GIPC1: variants seen among roughly 807,000 people sequenced by gnomAD.
GIPC1 encodes GIPC PDZ domain containing family member 1, also known as PDZ domain-containing protein GIPC1.
Under a neutral mutation model 28.5 loss-of-function variants are expected in GIPC1, and 15 were observed. The ratio of observed to expected loss-of-function variants is 0.53; its 90% CI spans 0.35 to 0.81. The LOEUF (loss-of-function observed/expected upper bound fraction) is 0.81, where lower values mean the gene tolerates loss of function less well. Ranked by LOEUF, GIPC1 falls within the 30% of genes least tolerant of loss-of-function variation. The pLI is 0.01. For missense variants in GIPC1, 439 were observed against 481.9 expected, an observed-to-expected ratio of 0.91 and a Z score of 0.83; for synonymous variants, 224 against 206.1, an observed-to-expected ratio of 1.09 and a Z score of -0.74.
chr19:14,490,734 G>GAGT (rs1345238685), intron 3 of GIPC1, among the ~76,000 whole-genome samples: 1 of 151,998 alleles, frequency 6.6e-6, no homozygotes, highest in East Asian at 1.9e-4. Flanking sequence ...AGCACTTTGG[G>GAGT]AGTCCAAGGC....
At chr19:14,484,206 C>T (rs748820945) in intron 3 of GIPC1, among the ~76,000 whole-genome samples, 7 of 149,406 alleles carry the variant, frequency 4.7e-5, no homozygotes, top group African/African-American at 7.4e-5. Context: ...TCTCAGCTCA[C>T]TCACTGCAAT....
intron 1 of GIPC1, among the ~76,000 whole-genome samples, chr19:14,494,694 A>G (rs1332317991): frequency 6.6e-6 from 1 of 152,058 alleles, no homozygotes; most frequent in African/African-American, 2.4e-5. Context: ...CCTCGTTCTG[A>G]TTGCTCTCTG....
chr19:14,481,592 G>T (rs2071730218), intron 4 of GIPC1, among the ~76,000 whole-genome samples: 1 of 151,846 alleles, frequency 6.6e-6, no homozygotes, highest in African/African-American at 2.4e-5. Context: ...CTGGTGGCGG[G>T]CGCCTGTAAT....
In GIPC1 at chr19:14,478,869, C is replaced by T; in HGVS notation, c.769-104G>A. 3 of 879,208 alleles carry T rather than the reference C, an allele frequency of 3.4e-6. No homozygotes were observed. The highest frequency in any genetic ancestry group is 2.9e-5 in the South Asian group (2 of 70,104). 54.5% of individuals were successfully genotyped at this position (879,208 alleles called of 1,614,324 possible). A position where few individuals can be genotyped will look rare whatever the true frequency, so the allele number is the denominator to read the frequency against. On this transcript the variant is annotated intron_variant, in intron 7 of 8. Transcript: ENST00000393033. The surrounding 1 kb of genome is among the most constrained non-coding windows in gnomAD (Gnocchi z 5.2). ...CACTTTACATATATTCGTATTTAGA[C>T]CTCAGGACAACCCTGAGAAGGTGGT...
In GIPC1 at chr19:14,490,258, G is replaced by T. The variant is rs187911171; in HGVS notation, c.-31+1398C>A. 4.7e-3 allele frequency among the ~76,000 whole-genome samples: 712 copies of T among 151,952 alleles called. 6 individuals are homozygous for T. The highest frequency in any genetic ancestry group is 0.016 in the African/African-American group (646 of 41,406). On this transcript the variant is annotated intron_variant, in intron 3 of 8. Coordinates refer to ENST00000393033, the MANE Select transcript of GIPC1 (RefSeq NM_005716.4). ...GTGGGCACCTGTAATCCCAGCTACT[G>T]GGGAGGCTGAGGCAGGAGAATTGCT...
intron 3 of GIPC1, among the ~76,000 whole-genome samples, chr19:14,487,168 A>G (rs919736483): frequency 3.3e-5 from 5 of 151,474 alleles, no homozygotes; most frequent in African/African-American, 1.2e-4. Flanking sequence ...CTGCCAAGCT[A>G]TATTTCTTGG....
chr19:14,486,411 T>C (rs954982539), intron 3 of GIPC1, among the ~76,000 whole-genome samples: 2 of 152,138 alleles, frequency 1.3e-5, no homozygotes, highest in African/African-American at 4.8e-5. Flanking sequence ...AATGATTATT[T>C]CTGGCAAATA....
At chr19:14,493,344 T>C (rs961220923) in intron 1 of GIPC1, among the ~76,000 whole-genome samples, 5 of 152,156 alleles carry the variant, frequency 3.3e-5, no homozygotes, top group African/African-American at 1.2e-4. Flanking sequence ...AACTGCAATC[T>C]CCTTACTGTG....
At chr19:14,482,510 C>A (rs530833134) in intron 4 of GIPC1, 179 bp downstream of exon 4, 2 of 640,694 alleles carry the variant, frequency 3.1e-6, no homozygotes, top group African/African-American at 1.8e-5. Context: ...GGGGCACAAG[C>A]CTCCCAGTGC....
Position 14,477,842 on chromosome 19 carries a change from C to T in GIPC1, c.*574G>A, listed in dbSNP as rs916733228. On this transcript the variant is annotated 3_prime_UTR_variant, in exon 9 of 9. Transcript: ENST00000393033. ...CGCCATCGTCCCTCCCTCCCTCCTG[C>T]TCTGGGCCAGGGATGGGCCTGGAAG... 3.9e-5 allele frequency: 6 copies of T among 153,534 alleles called. No homozygotes were observed. The highest frequency in any genetic ancestry group is 1.2e-4 in the African/African-American group (5 of 41,448). The allele number at this position is 153,534 out of a possible 1,614,324, so 9.5% of individuals were successfully genotyped here. A position where few individuals can be genotyped will look rare whatever the true frequency, so the allele number is the denominator to read the frequency against.
At chr19:14,483,781 TAATAATAATAATAA>T (rs2071782101) in intron 3 of GIPC1, among the ~76,000 whole-genome samples, 1 of 110,150 alleles carries the variant, frequency 9.1e-6, no homozygotes, top group Non-Finnish European at 1.8e-5. Context: ...ATAATAATAA[TAATAATAATAATAA>T]TAATACCAGC....
In GIPC1 at chr19:14,482,937, G is replaced by A. The variant is rs1244700704; in HGVS notation, c.40C>T (p.Leu14=). Residue 14 remains leucine (L), a synonymous_variant, in exon 4 of 9, where the codon CTA becomes TTA. Transcript: ENST00000393033. ...GGCTCAGCCTCCTCATTTTCCACTAGAGGGGGCGCCTTTTTCCGCCGCCCC... is the reference window on the plus strand; with the variant it reads ...GGCTCAGCCTCCTCATTTTCCACTAAAGGGGGCGCCTTTTTCCGCCGCCCC... ...GLGRRKKAPP[L]VENEEAEPGR... is the part of the protein sequence containing the mutation. 1.2e-6 allele frequency: 2 copies of A among 1,611,594 alleles called. No individual in the cohort carries two copies. Among genetic ancestry groups the A allele is most frequent in the Non-Finnish European group, 1.7e-6 (2 of 1,179,692 alleles).
chr19:14,488,325 C>T (rs1244929486), intron 3 of GIPC1, among the ~76,000 whole-genome samples: 1 of 152,036 alleles, frequency 6.6e-6, no homozygotes, highest in Non-Finnish European at 1.5e-5. Flanking sequence ...GTGGTGCACA[C>T]CTGTGATCCC....
At chr19:14,479,327 G>T in intron 7 of GIPC1, 85 bp downstream of exon 7, 2 of 550,720 alleles carry the variant, frequency 3.6e-6, no homozygotes, top group South Asian at 3.1e-5. Context: ...ACTCCAGCCT[G>T]GGTGACAAGA....
intron 4 of GIPC1, chr19:14,482,400 C>A: frequency 1.9e-6 from 1 of 539,216 alleles, no homozygotes; most frequent in South Asian, 2.1e-5. Context: ...CAGCATGCAG[C>A]CCTGGCCATC....
At chr19:14,482,266 C>T in intron 4 of GIPC1, 1 of 243,462 alleles carries the variant, frequency 4.1e-6, no homozygotes, top group Non-Finnish European at 8.1e-6. Flanking sequence ...TCAATCCATC[C>T]AGCCCTGGCC....
rs1029777368 is a variant in GIPC1, at chr19:14,496,055, CGCCGCCGCCGCCGCCGCCGCT to C, written c.-214_-194del. ...CACTCACCTGCTCCGCCGCCGCCGC[CGCCGCCGCCGCCGCCGCCGCT>C]GCCTCCGCCTCCCCGTGCGCACCCG... On this transcript the variant is annotated 5_prime_UTR_variant, in exon 1 of 9. Transcript: ENST00000393033. The C allele has an allele frequency of 2.0e-5, 5 of 247,634 alleles. No individual in the cohort carries two copies. The highest frequency in any genetic ancestry group is 1.1e-4 in the East Asian group (1 of 9,122). The allele number at this position is 247,634 out of a possible 1,614,324, so 15.3% of individuals were successfully genotyped here.
intron 3 of GIPC1, among the ~76,000 whole-genome samples, chr19:14,491,092 C>A (rs1281625357): frequency 6.6e-6 from 1 of 151,752 alleles, no homozygotes; most frequent in Non-Finnish European, 1.5e-5. Flanking sequence ...GGTGGATCAC[C>A]TGAGGTCAGG....
intron 2 of GIPC1, among the ~76,000 whole-genome samples, chr19:14,492,103 C>G (rs577206513): frequency 2.6e-5 from 4 of 152,148 alleles, no homozygotes; most frequent in African/African-American, 9.6e-5. Flanking sequence ...CTCATCATCC[C>G]TCCAATTCCG....
Sources: gnomAD v4.1 joint callset for allele counts (sites outside exome capture counted in the v4.1 genomes callset) on GRCh38, gnomAD v4.1.1 for gene constraint, Gnocchi (gnomAD v3.1) non-coding constraint, MANE v1.5 for transcripts, NCBI Gene and HGNC (gene_info 2026-07-23, HGNC 2026-07-21) for gene names.